ANKH: variants seen among roughly 807,000 people sequenced by gnomAD.
ANKH encodes the protein ANKH inorganic pyrophosphate transport regulator, also known as mineralization regulator ANKH.
In ANKH, 15 loss-of-function variants were observed where a neutral mutation model predicts 49.0. That is an observed-to-expected ratio of 0.31 (90% CI 0.20 to 0.47). The LOEUF is 0.47. Ranked by LOEUF, ANKH falls within the 20% of genes least tolerant of loss-of-function variation. The pLI is 1.00. For missense variants in ANKH, 429 were observed against 652.0 expected, an observed-to-expected ratio of 0.66 and a Z score of 3.72; for synonymous variants, 273 against 260.0, an observed-to-expected ratio of 1.05 and a Z score of -0.48.
At chr5:14,857,129 G>A (rs1013604641) in intron 1 of ANKH, among the ~76,000 whole-genome samples, 42 of 151,788 alleles carry the variant, frequency 2.8e-4, no homozygotes, top group Non-Finnish European at 4.1e-4. Context: ...AGTACATATC[G>A]GGTCCAAAAG....
intron 1 of ANKH, among the ~76,000 whole-genome samples, chr5:14,860,845 T>C (rs1448734397): frequency 6.6e-6 from 1 of 152,120 alleles, no homozygotes; most frequent in Non-Finnish European, 1.5e-5. Flanking sequence ...TGCACTGGCA[T>C]GATCTCGGCT....
intron 3 of ANKH, among the ~76,000 whole-genome samples, chr5:14,757,299 G>A: frequency 6.6e-6 from 1 of 151,822 alleles, no homozygotes; most frequent in Non-Finnish European, 1.5e-5. Context: ...AACTTGAGGT[G>A]GGGGTGGTAA....
At chr5:14,804,195 T>A (rs1740639330) in intron 1 of ANKH, among the ~76,000 whole-genome samples, 1 of 152,154 alleles carries the variant, frequency 6.6e-6, no homozygotes, top group Non-Finnish European at 1.5e-5. Flanking sequence ...CATGCCCAGC[T>A]AGTTCTCCTT....
intron 1 of ANKH, among the ~76,000 whole-genome samples, chr5:14,808,610 A>C (rs1740777575): frequency 6.6e-6 from 1 of 152,140 alleles, no homozygotes; most frequent in Non-Finnish European, 1.5e-5. Flanking sequence ...CCATCAGAGA[A>C]ATGCAAATCA....
intron 1 of ANKH, among the ~76,000 whole-genome samples, chr5:14,835,168 G>A (rs541435979): frequency 6.6e-6 from 1 of 152,208 alleles, no homozygotes; most frequent in African/African-American, 2.4e-5. Context: ...TGCAGAGCTC[G>A]TTAAATTTTA....
chr5:14,783,801 T>C (rs1428995522), intron 1 of ANKH, among the ~76,000 whole-genome samples: 2 of 152,198 alleles, frequency 1.3e-5, no homozygotes, highest in Non-Finnish European at 2.9e-5. Flanking sequence ...GGAAAATGAA[T>C]TCATTTTTAT....
intron 9 of ANKH, among the ~76,000 whole-genome samples, chr5:14,714,524 A>G (rs1737370597): frequency 6.6e-6 from 1 of 152,178 alleles, no homozygotes; most frequent in Admixed American, 6.5e-5. Flanking sequence ...CATTCCTGGG[A>G]TAAAAATTCC....
chr5:14,749,925 T>C (rs977249274), intron 5 of ANKH, among the ~76,000 whole-genome samples: 2 of 152,264 alleles, frequency 1.3e-5, no homozygotes, highest in Non-Finnish European at 2.9e-5. Context: ...TGGCTTTCAT[T>C]ATGCAATTTT....
At position 14,712,856 on chromosome 5, in the gene ANKH, C is replaced by T; in HGVS notation, c.1365+18G>A. ...GGAGGATGCACCCGGGAGGAGGCTC[C>T]CGGCGCGGCTGTCTCACCTGCTTCC... On this transcript the variant is annotated intron_variant, in intron 11 of 11. Transcript: ENST00000284268. 1 of 1,586,122 alleles carries T rather than the reference C, an allele frequency of 6.3e-7. No individual in the cohort carries two copies.
chr5:14,772,981 G>A (rs542431829), intron 1 of ANKH, among the ~76,000 whole-genome samples: 1 of 152,354 alleles, frequency 6.6e-6, no homozygotes, highest in South Asian at 2.1e-4. Flanking sequence ...TGGGACCACT[G>A]TGGTACAATT....
intron 5 of ANKH, among the ~76,000 whole-genome samples, chr5:14,749,511 G>A (rs949285910): frequency 2.0e-5 from 3 of 152,204 alleles, no homozygotes; most frequent in Non-Finnish European, 4.4e-5. Context: ...CGAGACAGCT[G>A]GCAAGCTGCT....
At chr5:14,743,020 C>G (rs1428865119) in intron 7 of ANKH, among the ~76,000 whole-genome samples, 1 of 152,236 alleles carries the variant, frequency 6.6e-6, no homozygotes, top group Non-Finnish European at 1.5e-5. Flanking sequence ...GAAACACACA[C>G]CCACAGCTAC....
chr5:14,730,602 C>T, intron 8 of ANKH, among the ~76,000 whole-genome samples: 1 of 152,206 alleles, frequency 6.6e-6, no homozygotes, highest in East Asian at 1.9e-4. Flanking sequence ...CAGTCTCTTG[C>T]AGGTCTCCCT....
At chr5:14,849,895 G>A (rs940710995) in intron 1 of ANKH, among the ~76,000 whole-genome samples, 1 of 152,046 alleles carries the variant, frequency 6.6e-6, no homozygotes, top group African/African-American at 2.4e-5. Flanking sequence ...GAACTAGGGT[G>A]GTCAGGAGCC....
chr5:14,711,766 A>G (rs1333874501), intron 11 of ANKH, among the ~76,000 whole-genome samples: 1 of 152,052 alleles, frequency 6.6e-6, no homozygotes, highest in Non-Finnish European at 1.5e-5. Flanking sequence ...ATTCTCTCCC[A>G]CTTACTGCCT....
chr5:14,866,156 G>C (rs1369995657), intron 1 of ANKH, among the ~76,000 whole-genome samples: 1 of 152,202 alleles, frequency 6.6e-6, no homozygotes, highest in Non-Finnish European at 1.5e-5. Context: ...ACAGGTGCCT[G>C]CCATCATGCC....
At chr5:14,793,023 T>TATATATATAA (rs1385758620) in intron 1 of ANKH, among the ~76,000 whole-genome samples, 16 of 66,558 alleles carry the variant, frequency 2.4e-4, no homozygotes, top group African/African-American at 5.5e-4. Context: ...TATATATAAA[T>TATATATATAA]ATATATATAT....
chr5:14,826,476 G>T (rs1046072894), intron 1 of ANKH, among the ~76,000 whole-genome samples: 14 of 152,202 alleles, frequency 9.2e-5, no homozygotes, highest in African/African-American at 3.4e-4. Context: ...TGCCTTTTTG[G>T]TAATTCCATT....
At chr5:14,739,833 A>C (rs1165459391) in intron 8 of ANKH, among the ~76,000 whole-genome samples, 1 of 152,224 alleles carries the variant, frequency 6.6e-6, no homozygotes, top group Non-Finnish European at 1.5e-5. Context: ...TGTCTGACAA[A>C]GGGTTCTGAA....
Sources: allele counts gnomAD v4.1 joint callset (sites outside exome capture counted in the v4.1 genomes callset), GRCh38; gene constraint gnomAD v4.1.1; transcripts MANE v1.5; gene names NCBI Gene and HGNC (gene_info 2026-07-23, HGNC 2026-07-21).